RNF169: variants seen among roughly 807,000 people sequenced by gnomAD.
RNF169 encodes the protein ring finger protein 169, also known as E3 ubiquitin-protein ligase RNF169.
In RNF169, 24 loss-of-function variants were observed where a neutral mutation model predicts 53.9. The observed-to-expected ratio is 0.45, with a 90% CI of 0.32 to 0.63. RNF169 has a LOEUF of 0.63. RNF169 is among the 20% of genes least tolerant of loss of function. The pLI, the probability that RNF169 is intolerant of heterozygous loss-of-function variation, is 0.04. For missense variants in RNF169, 883 were observed against 906.2 expected, an observed-to-expected ratio of 0.97 and a Z score of 0.33; for synonymous variants, 396 against 363.5, an observed-to-expected ratio of 1.09 and a Z score of -1.02.
intron 1 of RNF169, among the ~76,000 whole-genome samples, chr11:74,775,784 C>A (rs968769813): frequency 1.3e-5 from 2 of 152,000 alleles, no homozygotes; most frequent in African/African-American, 2.4e-5. Flanking sequence ...CATGTGAATC[C>A]CTCATTTCAC....
chr11:74,764,129 A>G (rs187960346), intron 1 of RNF169, among the ~76,000 whole-genome samples: 6 of 152,390 alleles, frequency 3.9e-5, no homozygotes, highest in African/African-American at 7.2e-5. Context: ...CAGAGGAGCA[A>G]TAATCAGACT....
chr11:74,826,587 T>C (rs1407859350), intron 4 of RNF169, among the ~76,000 whole-genome samples: 2 of 152,186 alleles, frequency 1.3e-5, no homozygotes, highest in African/African-American at 4.8e-5. Context: ...CAAAGTCTCA[T>C]CTGAGATAAG....
intron 3 of RNF169, among the ~76,000 whole-genome samples, chr11:74,813,056 T>G (rs1462373082): frequency 6.6e-6 from 1 of 152,362 alleles, no homozygotes; most frequent in African/African-American, 2.4e-5. Flanking sequence ...TATCTCTCCA[T>G]GTCCAGTTCA....
chr11:74,813,642 A>T (rs1485890686), intron 3 of RNF169, among the ~76,000 whole-genome samples: 3 of 152,220 alleles, frequency 2.0e-5, no homozygotes, highest in Non-Finnish European at 4.4e-5. Context: ...ACATATAAAT[A>T]CACACCATAT....
Position 74,749,207 on chromosome 11 carries a change from C to T in RNF169, c.327C>T (p.Arg109=). The T allele has an allele frequency of 8.9e-7, 1 of 1,117,622 alleles. No homozygotes were observed. Among genetic ancestry groups the T allele is most frequent in the Non-Finnish European group, 1.1e-6 (1 of 917,680 alleles). 69.2% of individuals were successfully genotyped at this position (1,117,622 alleles called of 1,614,324 possible). ...AGPGCPRCRA[R]GPGWARRRAR... The stretch of plus-strand genomic sequence containing the variant: ...CGGGTTGCCCTCGCTGCCGCGCCCG[C>T]GGCCCAGGCTGGGCCCGCCGTCGGG... The change falls in exon 1 of 6, where the codon CGC becomes CGT. Residue 109 remains arginine (R), a synonymous_variant. Transcript: ENST00000299563.
intron 1 of RNF169, among the ~76,000 whole-genome samples, chr11:74,786,104 C>G (rs2035497597): frequency 6.6e-6 from 1 of 151,876 alleles, no homozygotes; most frequent in Non-Finnish European, 1.5e-5. Context: ...CCACACCTGG[C>G]TAATTTTTGT....
Position 74,836,612 on chromosome 11 carries a change from G to A in RNF169, c.2009G>A (p.Arg670Gln), listed in dbSNP as rs192609539. 91 of 1,614,098 alleles carry A rather than the reference G, an allele frequency of 5.6e-5. No individual in the cohort carries two copies. In the East Asian group the frequency reaches 1.6e-3, roughly 29 times the overall value. The change falls in exon 6 of 6, where the codon CGA becomes CAA. Residue 670 changes from arginine (R) to glutamine (Q), a missense_variant. Arg to Gln is a conservative substitution (Grantham distance 43, BLOSUM62 1). Coordinates refer to ENST00000299563, the MANE Select transcript of RNF169 (RefSeq NM_001098638.2). The part of the protein sequence containing the change: ...EQKLQQEEED[R>Q]QLALQLQRMF... ...AAGCTTCAGCAAGAGGAAGAAGACCGACAGTTGGCTCTGCAGTTGCAGCGC... is the reference window on the plus strand; with the variant it reads ...AAGCTTCAGCAAGAGGAAGAAGACCAACAGTTGGCTCTGCAGTTGCAGCGC...
In RNF169 at chr11:74,803,493, A is replaced by C. The variant is rs867216828; in HGVS notation, c.577-6691A>C. On this transcript the variant is annotated intron_variant, in intron 2 of 5. Coordinates refer to ENST00000299563, the MANE Select transcript of RNF169 (RefSeq NM_001098638.2). ...ATTTGAAATAGTGTGGCATGTATATATGTTTTAGTCTACATTCCAAGGATG... is the reference window on the plus strand; with the variant it reads ...ATTTGAAATAGTGTGGCATGTATATCTGTTTTAGTCTACATTCCAAGGATG... Among the ~76,000 whole-genome samples the C allele has an allele frequency of 1.3e-5, 2 of 152,360 alleles. 1 individual carries two copies. Among genetic ancestry groups the C allele is most frequent in the Middle Eastern group, 6.8e-3 (2 of 294 alleles).
At chr11:74,814,243 T>A (rs899179520) in intron 3 of RNF169, among the ~76,000 whole-genome samples, 4 of 151,872 alleles carry the variant, frequency 2.6e-5, no homozygotes, top group African/African-American at 9.7e-5. Flanking sequence ...GGCAGGAGAA[T>A]TGCTTGAACC....
At chr11:74,783,974 G>T (rs2035453176) in intron 1 of RNF169, among the ~76,000 whole-genome samples, 1 of 152,116 alleles carries the variant, frequency 6.6e-6, no homozygotes. Flanking sequence ...GAGATGTTAT[G>T]AGACTTTGAT....
chr11:74,783,547 T>TGAG (rs1482992863), intron 1 of RNF169, among the ~76,000 whole-genome samples: 4 of 152,188 alleles, frequency 2.6e-5, no homozygotes, highest in Admixed American at 6.5e-5. Flanking sequence ...TTCTGTTCTG[T>TGAG]GAGGTGAAGG....
chr11:74,821,240 G>A (rs2036005304), intron 4 of RNF169, among the ~76,000 whole-genome samples: 2 of 152,196 alleles, frequency 1.3e-5, no homozygotes, highest in African/African-American at 2.4e-5. Context: ...ATACATGGTT[G>A]CTACAGAGAA....
At chr11:74,786,146 A>G (rs976072461) in intron 1 of RNF169, among the ~76,000 whole-genome samples, 2 of 151,372 alleles carry the variant, frequency 1.3e-5, no homozygotes, top group Non-Finnish European at 2.9e-5. Context: ...TCACCATGTT[A>G]GCCAGGATGG....
At position 74,836,461 on chromosome 11, in the gene RNF169, C is replaced by T. The variant is rs1257811850; in HGVS notation, c.1858C>T (p.Arg620Ter). The change falls in exon 6 of 6, where the codon CGA becomes TGA. Residue 620 changes from arginine to a stop codon, truncating the protein, a stop_gained. Coordinates refer to ENST00000299563, the MANE Select transcript of RNF169 (RefSeq NM_001098638.2). LOFTEE classifies it high-confidence loss of function. ...LSEEPLPSLR[R>*]GRKRHCKTKH... ...TGAAGAGCCACTTCCTTCTTTGCGT[C>T]GAGGCCGGAAAAGACACTGCAAGAC... is the stretch of plus-strand genomic sequence containing the variant. 1 of 1,614,050 alleles carries T rather than the reference C, an allele frequency of 6.2e-7. No homozygotes were observed. The highest frequency in any genetic ancestry group is 8.5e-7 in the Non-Finnish European group (1 of 1,180,028).
At chr11:74,765,346 A>T (rs2035156238) in intron 1 of RNF169, among the ~76,000 whole-genome samples, 1 of 152,226 alleles carries the variant, frequency 6.6e-6, no homozygotes, top group East Asian at 1.9e-4. Flanking sequence ...TCCTAGATTC[A>T]TTTAGGCACA....
At chr11:74,785,894 G>C (rs141898041) in intron 1 of RNF169, among the ~76,000 whole-genome samples, 206 of 149,552 alleles carry the variant, frequency 1.4e-3, no homozygotes, top group African/African-American at 4.7e-3. Flanking sequence ...AACTTTTCAT[G>C]TAATATATGT....
At chr11:74,771,698 T>C (rs2035262956) in intron 1 of RNF169, among the ~76,000 whole-genome samples, 1 of 152,064 alleles carries the variant, frequency 6.6e-6, no homozygotes, top group Non-Finnish European at 1.5e-5. Flanking sequence ...GGCAAGACTT[T>C]GTCTCCAAAA....
At chr11:74,763,121 A>G (rs2035114645) in intron 1 of RNF169, among the ~76,000 whole-genome samples, 1 of 152,232 alleles carries the variant, frequency 6.6e-6, no homozygotes, top group South Asian at 2.1e-4. Context: ...AGTTTGCCTG[A>G]GAAATTGAAG....
intron 4 of RNF169, chr11:74,830,913 A>G (rs1479505709): frequency 2.0e-5 from 3 of 152,206 alleles, no homozygotes; most frequent in Non-Finnish European, 4.4e-5. Context: ...ATGAAGGGGA[A>G]AAAAGCTCAG....
Sources: allele counts gnomAD v4.1 joint callset (sites outside exome capture counted in the v4.1 genomes callset), GRCh38; gene constraint gnomAD v4.1.1; transcripts MANE v1.5; gene names NCBI Gene and HGNC (gene_info 2026-07-23, HGNC 2026-07-21).